The following PSMA1 variants were observed in gnomAD, a reference collection of about 807,000 sequenced individuals.
PSMA1 encodes the protein proteasome 20S subunit alpha 1.
Under a neutral mutation model 38.4 loss-of-function variants are expected in PSMA1, and 3 were observed. The ratio of observed to expected loss-of-function variants is 0.08; its 90% confidence interval spans 0.04 to 0.20. PSMA1 has a LOEUF of 0.20. Ranked by LOEUF, PSMA1 falls within the 10% of genes least tolerant of loss-of-function variation. The pLI, the probability that PSMA1 is intolerant of heterozygous loss-of-function variation, is 1.00. For synonymous variants in PSMA1, 101 were observed against 107.1 expected (o/e 0.94, Z 0.35); for missense variants, 227 against 325.3 (o/e 0.70, Z 2.32).
chr11:14,610,840 T>C, intron 2 of PSMA1: 1 of 947,018 alleles, frequency 1.1e-6, no homozygotes, highest in East Asian at 2.7e-5. Context: ...TTTTCTCTTT[T>C]TGTTTTCTAG....
At chr11:14,563,778 C>T (rs1852037272) in intron 2 of PSMA1, among the ~76,000 whole-genome samples, 1 of 152,056 alleles carries the variant, frequency 6.6e-6, no homozygotes, top group South Asian at 2.1e-4. Flanking sequence ...TAAATGGTTC[C>T]CTATTTCTGA....
At chr11:14,602,763 AC>A (rs1852598772) in intron 2 of PSMA1, among the ~76,000 whole-genome samples, 1 of 152,214 alleles carries the variant, frequency 6.6e-6, no homozygotes, top group Non-Finnish European at 1.5e-5. Context: ...TGCATTGAGT[AC>A]TAACTGAATT....
chr11:14,549,553 T>C (rs1462917517), intron 2 of PSMA1, among the ~76,000 whole-genome samples: 2 of 151,990 alleles, frequency 1.3e-5, no homozygotes, highest in African/African-American at 2.4e-5. Context: ...TACAAAAAAT[T>C]AGCCGGGCAT....
chr11:14,514,606 T>C, intron 4 of PSMA1, 115 bp from the exon 5 acceptor site: 1 of 798,316 alleles, frequency 1.3e-6, no homozygotes, highest in Non-Finnish European at 1.8e-6. Context: ...AACATCCATA[T>C]AAGAAAAACA....
At chr11:14,613,185 A>T (rs1162285145) in intron 1 of PSMA1, among the ~76,000 whole-genome samples, 1 of 151,690 alleles carries the variant, frequency 6.6e-6, no homozygotes, top group Non-Finnish European at 1.5e-5. Context: ...TTATTAAGTC[A>T]CATATTGGTC....
At chr11:14,514,702 T>C (rs1415279372) in intron 4 of PSMA1, among the ~76,000 whole-genome samples, 1 of 152,162 alleles carries the variant, frequency 6.6e-6, no homozygotes, top group Non-Finnish European at 1.5e-5. Context: ...ACTGAAACAT[T>C]TTTTAGCTCT....
At chr11:14,535,624 A>C (rs984224855) in intron 2 of PSMA1, among the ~76,000 whole-genome samples, 1 of 151,544 alleles carries the variant, frequency 6.6e-6, no homozygotes, top group Admixed American at 6.6e-5. Flanking sequence ...TTGTATTTTT[A>C]GTAGAGACGG....
At chr11:14,587,746 T>C (rs532650066) in intron 2 of PSMA1, among the ~76,000 whole-genome samples, 14 of 152,196 alleles carry the variant, frequency 9.2e-5, no homozygotes, top group African/African-American at 2.2e-4. Flanking sequence ...CTAGGGGTTA[T>C]AACACCTACT....
intron 2 of PSMA1, among the ~76,000 whole-genome samples, chr11:14,569,787 G>T (rs1029639845): frequency 6.6e-6 from 1 of 152,232 alleles, no homozygotes; most frequent in Non-Finnish European, 1.5e-5. Flanking sequence ...TGGAGGCGGG[G>T]CATAGCTGAA....
intron 1 of PSMA1, among the ~76,000 whole-genome samples, chr11:14,611,462 T>G (rs1852707969): frequency 6.6e-6 from 1 of 152,198 alleles, no homozygotes; most frequent in Admixed American, 6.5e-5. Flanking sequence ...CTATGTTCTG[T>G]GCATAGCTAA....
intron 2 of PSMA1, among the ~76,000 whole-genome samples, chr11:14,592,860 G>A (rs938133084): frequency 6.6e-6 from 1 of 152,146 alleles, no homozygotes; most frequent in East Asian, 1.9e-4. Flanking sequence ...CCTCAGAAAT[G>A]CCTTTCCTAA....
At chr11:14,560,186 G>C (rs900090860) in intron 2 of PSMA1, among the ~76,000 whole-genome samples, 1 of 152,208 alleles carries the variant, frequency 6.6e-6, no homozygotes, top group Non-Finnish European at 1.5e-5. Context: ...GGGGATCTGA[G>C]TGGCAAACCA....
chr11:14,526,644 A>G (rs1376280088), intron 2 of PSMA1, among the ~76,000 whole-genome samples: 1 of 152,000 alleles, frequency 6.6e-6, no homozygotes, highest in Non-Finnish European at 1.5e-5. Context: ...CTCTTTGTTG[A>G]GTCTCCCACA....
chr11:14,590,761 G>A (rs927081425), intron 2 of PSMA1, among the ~76,000 whole-genome samples: 3 of 152,170 alleles, frequency 2.0e-5, no homozygotes, highest in East Asian at 1.9e-4. Flanking sequence ...CTACACAAAC[G>A]CAAGATCAAA....
rs1333257954 is a variant in PSMA1, at chr11:14,614,027, T to A, written c.-165-2876A>T. Among the ~76,000 whole-genome samples, 4 of 152,200 alleles carry A rather than the reference T, an allele frequency of 2.6e-5. No homozygotes were observed. In the East Asian group the frequency reaches 7.7e-4, roughly 29 times the overall value. On this transcript the variant is annotated intron_variant, in intron 1 of 10. Coordinates refer to the PSMA1 transcript ENST00000418988. The stretch of plus-strand genomic sequence containing the variant: ...AAAAGAACTCTGCTTGTCACAGTAT[T>A]ATCAAATGTCTCAGTTGAAGAACAA...
intron 2 of PSMA1, among the ~76,000 whole-genome samples, chr11:14,597,275 G>A (rs567801777): frequency 1.4e-3 from 206 of 152,284 alleles, no homozygotes; most frequent in African/African-American, 4.6e-3. Context: ...AATTAGGGAG[G>A]ATTCCCTCTT....
intron 2 of PSMA1, among the ~76,000 whole-genome samples, chr11:14,570,596 T>C (rs1589995532): frequency 6.6e-6 from 1 of 151,888 alleles, no homozygotes; most frequent in East Asian, 1.9e-4. Flanking sequence ...TTTGATCAAG[T>C]GGAGGAAAGG....
chr11:14,573,836 G>C (rs1255451862), intron 2 of PSMA1, among the ~76,000 whole-genome samples: 2 of 152,142 alleles, frequency 1.3e-5, no homozygotes, highest in East Asian at 1.9e-4. Flanking sequence ...TTGGGAACTG[G>C]AGCAAAGGTC....
intron 2 of PSMA1, among the ~76,000 whole-genome samples, chr11:14,538,140 T>G (rs1440249584): frequency 6.6e-6 from 1 of 152,210 alleles, no homozygotes; most frequent in Non-Finnish European, 1.5e-5. Flanking sequence ...CAAAATTACT[T>G]AAAAACTACA....
Sources: gnomAD v4.1 joint callset for allele counts (sites outside exome capture counted in the v4.1 genomes callset) on GRCh38, gnomAD v4.1.1 for gene constraint, MANE v1.5 for transcripts, NCBI Gene and HGNC (gene_info 2026-07-23, HGNC 2026-07-21) for gene names.